Variants in POU2F2 observed in about 807,000 individuals in gnomAD.
POU2F2 encodes the protein POU domain, class 2, transcription factor 2.
Under a neutral mutation model 63.5 loss-of-function variants are expected in POU2F2, and 14 were observed. The observed-to-expected ratio is 0.22, with a 90% CI of 0.15 to 0.34. POU2F2 has a LOEUF of 0.34. POU2F2 is among the 10% of genes least tolerant of loss of function. POU2F2 has a pLI of 1.00. For synonymous variants in POU2F2, 306 were observed against 348.6 expected, an observed-to-expected ratio of 0.88 and a Z score of 1.36; for missense variants, 607 against 815.2, an observed-to-expected ratio of 0.74 and a Z score of 3.11.
intron 1 of POU2F2, among the ~76,000 whole-genome samples, chr19:42,132,073 C>T (rs539846508): frequency 3.9e-5 from 6 of 152,294 alleles, no homozygotes; most frequent in African/African-American, 1.4e-4. Context: ...CCCATGTCAC[C>T]CACCCCACTG....
intron 5 of POU2F2, among the ~76,000 whole-genome samples, chr19:42,115,149 C>CAA (rs112060109): frequency 1.5e-4 from 22 of 145,536 alleles, no homozygotes; most frequent in African/African-American, 5.6e-4. Context: ...GACCTCATCT[C>CAA]AAAAAAAAAA....
intron 2 of POU2F2, among the ~76,000 whole-genome samples, chr19:42,146,884 GAGCCTTGATATTGTCACCAATTCCAAA>G (rs1220837367): frequency 6.6e-6 from 1 of 152,170 alleles, no homozygotes; most frequent in East Asian, 1.9e-4. Flanking sequence ...CCACTTCTTT[GAGCCTTGATATTGTCACCAATTCCAAA>G]AGCGCTGTCT....
In POU2F2 at chr19:42,152,451, T is replaced by G. The variant is rs2034372057; in HGVS notation, c.-9+7881A>C. ...TCCCCTCCCTTCTCTCCCTCTCTCTTTCTCGGCTGGCTATCGACCGGGGCT... is the reference window on the plus strand; with the variant it reads ...TCCCCTCCCTTCTCTCCCTCTCTCTGTCTCGGCTGGCTATCGACCGGGGCT... On this transcript the variant is annotated intron_variant, in intron 2 of 6. Transcript: ENST00000524801. This position sits in a 1 kb window ranked among gnomAD's most constrained non-coding sequence, Gnocchi z 4.1. 1 of 152,198 alleles carries G rather than the reference T, an allele frequency of 6.6e-6. No individual in the cohort carries two copies. The highest frequency in any genetic ancestry group is 1.5e-5 in the Non-Finnish European group (1 of 68,182). 9.4% of individuals were successfully genotyped at this position (152,198 alleles called of 1,614,324 possible).
chr19:42,116,876 A>AGGCGGCGGCGGCGGC (rs555150584), intron 5 of POU2F2: 3 of 449,174 alleles, frequency 6.7e-6, no homozygotes, highest in Admixed American at 2.6e-5. Context: ...GAGGAGGCGG[A>AGGCGGCGGCGGCGGC]GGCGGCGGCG....
chr19:42,185,955 T>C (rs902709149), intron 1 of POU2F2, among the ~76,000 whole-genome samples: 2 of 152,174 alleles, frequency 1.3e-5, no homozygotes, highest in African/African-American at 4.8e-5. Context: ...AGTGGCACTA[T>C]TATGGCTCAC....
At position 42,122,123 on chromosome 19, in the gene POU2F2, T is replaced by A. The variant is rs1422777696; in HGVS notation, c.186+3A>T. The A allele has an allele frequency of 6.2e-7, 1 of 1,611,946 alleles. No individual in the cohort carries two copies. Among genetic ancestry groups the A allele is most frequent in the Admixed American group, 1.7e-5 (1 of 59,992 alleles). On this transcript the variant is annotated splice_donor_region_variant and intron_variant, in intron 4 of 14. Transcript: ENST00000692977. Reference sequence around the variant, plus strand: ...TTCCCTGGCTGTTCTGACAGGTGCTTACCTTTGTACTGGGGCCAGTTGGGG... The same window carrying A: ...TTCCCTGGCTGTTCTGACAGGTGCTAACCTTTGTACTGGGGCCAGTTGGGG...
rs780745277 is a variant in POU2F2 at position 42,095,626 on chromosome 19, G to A, written c.939C>T (p.Asp313=). ...NQLSSPSLGF[D]GLPGRRRKKR... Reference sequence around the variant, plus strand: ...TCTTGCGTCTCCGGCCGGGCAGGCCGTCGAAACCCAGGCTGGGGCTGCTCA... The same window carrying A: ...TCTTGCGTCTCCGGCCGGGCAGGCCATCGAAACCCAGGCTGGGGCTGCTCA... The change falls in exon 10 of 15, where the codon GAC becomes GAT. Residue 313 remains aspartate, a synonymous_variant. Transcript: ENST00000692977. The surrounding 1 kb of genome is among the most constrained non-coding windows in gnomAD (Gnocchi z 7.1). 8.1e-6 allele frequency: 13 copies of A among 1,613,044 alleles called. No individual in the cohort carries two copies. The highest frequency in any genetic ancestry group is 3.3e-5 in the South Asian group (3 of 91,064).
intron 2 of POU2F2, among the ~76,000 whole-genome samples, chr19:42,147,626 G>A (rs188974980): frequency 6.6e-6 from 1 of 152,212 alleles, no homozygotes; most frequent in African/African-American, 2.4e-5. Context: ...AATGGATCCT[G>A]CATAGGGACA....
upstream of POU2F2, chr19:42,137,215 T>G (rs1448600871): frequency 6.6e-6 from 1 of 152,220 alleles, no homozygotes; most frequent in African/African-American, 2.4e-5. Flanking sequence ...GGCATACCCC[T>G]GTAGTCCTGG....
intron 1 of POU2F2, among the ~76,000 whole-genome samples, chr19:42,125,592 A>G (rs544608881): frequency 6.6e-6 from 1 of 152,274 alleles, no homozygotes; most frequent in Non-Finnish European, 1.5e-5. Context: ...CCCAGACCTT[A>G]GCCCTACTTC....
At chr19:42,177,277 C>CCGCT (rs1349135590), upstream of POU2F2, 1 of 155,804 alleles carries the variant, frequency 6.4e-6, no homozygotes, top group Non-Finnish European at 1.4e-5. Flanking sequence ...GCTCCCGCGC[C>CCGCT]CGCTCGCTGC....
In POU2F2 at chr19:42,096,356, T is replaced by C; in HGVS notation, c.568-113A>G. The C allele has an allele frequency of 8.9e-7, 1 of 1,124,318 alleles. No individual in the cohort carries two copies. The highest frequency in any genetic ancestry group is 1.2e-6 in the Non-Finnish European group (1 of 813,398). The allele number at this position is 1,124,318 out of a possible 1,614,324, so 69.6% of individuals were successfully genotyped here. A position where few individuals can be genotyped will look rare whatever the true frequency, so the allele number is the denominator to read the frequency against. On this transcript the variant is annotated intron_variant, in intron 7 of 14. Coordinates refer to ENST00000692977, the MANE Select transcript of POU2F2 (RefSeq NM_001394376.1). The surrounding 1 kb of genome is among the most constrained non-coding windows in gnomAD (Gnocchi z 4.1). ...TCGCCCCTGCGTTCCATCCGCCGCC[T>C]GCAGACTCCCCCCGCCTTCCTCCAC...
At chr19:42,179,198 G>A (rs573129880), upstream of POU2F2, among the ~76,000 whole-genome samples, 2 of 152,196 alleles carry the variant, frequency 1.3e-5, no homozygotes, top group South Asian at 4.1e-4. Flanking sequence ...AAGCACCAAG[G>A]GGGAAAGGGC....
upstream of POU2F2, chr19:42,132,622 G>C (rs1943051181): frequency 2.3e-6 from 1 of 425,910 alleles, no homozygotes; most frequent in African/African-American, 2.1e-5. Flanking sequence ...GGGGCTAGTG[G>C]GGCAGAGGAT....
intron 1 of POU2F2, among the ~76,000 whole-genome samples, chr19:42,163,750 G>A (rs58116217): frequency 1.1e-4 from 17 of 152,282 alleles, no homozygotes; most frequent in African/African-American, 4.1e-4. Flanking sequence ...GTCTTCATTT[G>A]TAAACTGGGG....
chr19:42,159,305 C>T (rs185083720), intron 2 of POU2F2, among the ~76,000 whole-genome samples: 1 of 152,200 alleles, frequency 6.6e-6, no homozygotes, highest in East Asian at 1.9e-4. Flanking sequence ...AGTCCCCCAC[C>T]CCATGCATTT....
chr19:42,132,914 C>T (rs188069930), upstream of POU2F2: 1 of 154,264 alleles, frequency 6.5e-6, no homozygotes, highest in Admixed American at 6.5e-5. Context: ...GATGAAAAGA[C>T]TGAGGATCAG....
intron 1 of POU2F2, among the ~76,000 whole-genome samples, chr19:42,188,326 ACTGCACTG>A (rs1347232864): frequency 6.6e-6 from 1 of 151,276 alleles, no homozygotes; most frequent in Non-Finnish European, 1.5e-5. Context: ...AAACGGTGCC[ACTGCACTG>A]CAACCTGGGT....
chr19:42,094,531 C>T (rs1359321120), intron 11 of POU2F2, among the ~76,000 whole-genome samples: 1 of 152,204 alleles, frequency 6.6e-6, no homozygotes, highest in Non-Finnish European at 1.5e-5. Flanking sequence ...CCTCACTGCC[C>T]ATGGTTCAAG....
Sources: allele counts gnomAD v4.1 joint callset (sites outside exome capture counted in the v4.1 genomes callset), GRCh38; gene constraint gnomAD v4.1.1; non-coding constraint Gnocchi (gnomAD v3.1); transcripts MANE v1.5; gene names NCBI Gene and HGNC (gene_info 2026-07-23, HGNC 2026-07-21).